The following SYNPR variants were observed in gnomAD, a reference collection of about 807,000 sequenced individuals.
The protein encoded by SYNPR is synaptoporin.
In SYNPR, 23 loss-of-function variants were observed where a neutral mutation model predicts 32.9. The observed-to-expected ratio is 0.70, with a 90% CI of 0.50 to 0.99. SYNPR has a LOEUF of 0.99. SYNPR is among the 50% of genes least tolerant of loss of function. The pLI is 0.00. For missense variants in SYNPR, 318 were observed against 349.3 expected, an observed-to-expected ratio of 0.91 and a Z score of 0.71; for synonymous variants, 146 against 135.9, an observed-to-expected ratio of 1.07 and a Z score of -0.52.
At chr3:63,279,619 C>G (rs2086610053) in intron 2 of SYNPR, among the ~76,000 whole-genome samples, 1 of 152,138 alleles carries the variant, frequency 6.6e-6, no homozygotes, top group Non-Finnish European at 1.5e-5. Flanking sequence ...GCTAGGAACT[C>G]CAAAAGGCAA....
chr3:63,553,049 G>A (rs192353518), intron 3 of SYNPR, among the ~76,000 whole-genome samples: 16 of 152,186 alleles, frequency 1.1e-4, no homozygotes, highest in Admixed American at 1.0e-3. Context: ...CCCAGGCAGT[G>A]AGCATAGCAC....
intron 3 of SYNPR, among the ~76,000 whole-genome samples, chr3:63,481,390 G>T (rs570877314): frequency 5.9e-4 from 89 of 151,530 alleles, no homozygotes; most frequent in African/African-American, 2.0e-3. Flanking sequence ...TATCCAAGAG[G>T]ATCTGTATAC....
At chr3:63,583,704 G>C (rs867974057) in intron 4 of SYNPR, among the ~76,000 whole-genome samples, 1 of 152,054 alleles carries the variant, frequency 6.6e-6, no homozygotes, top group Non-Finnish European at 1.5e-5. Context: ...GCCAAGGAAG[G>C]AATAATGTTT....
At chr3:63,371,035 G>A (rs2087805381) in intron 2 of SYNPR, among the ~76,000 whole-genome samples, 1 of 152,100 alleles carries the variant, frequency 6.6e-6, no homozygotes, top group Non-Finnish European at 1.5e-5. Context: ...CATTCAGGTG[G>A]ACACATTGCG....
chr3:63,260,239 C>T, intron 2 of SYNPR, among the ~76,000 whole-genome samples: 1 of 152,118 alleles, frequency 6.6e-6, no homozygotes, highest in East Asian at 1.9e-4. Flanking sequence ...TCATATGGAA[C>T]CAAAAACGAG....
chr3:63,243,221 A>G (rs1425011369), intron 1 of SYNPR, among the ~76,000 whole-genome samples: 4 of 152,072 alleles, frequency 2.6e-5, no homozygotes, highest in African/African-American at 7.2e-5. Flanking sequence ...GGAGCACCCT[A>G]AACTCTAAAT....
chr3:63,444,324 T>C (rs963048031), intron 2 of SYNPR: 1 of 152,230 alleles, frequency 6.6e-6, no homozygotes, highest in Non-Finnish European at 1.5e-5. Flanking sequence ...GAATTCTTCA[T>C]TGTTAATTCA....
intron 3 of SYNPR, among the ~76,000 whole-genome samples, chr3:63,520,033 A>T (rs1283470494): frequency 6.6e-6 from 1 of 152,190 alleles, no homozygotes; most frequent in East Asian, 1.9e-4. Flanking sequence ...ATTTGGAGTC[A>T]GATGGTAGGT....
chr3:63,307,449 C>A (rs942026024), intron 2 of SYNPR, among the ~76,000 whole-genome samples: 1 of 151,914 alleles, frequency 6.6e-6, no homozygotes. Context: ...TCCTTCATTC[C>A]TTAATGTTTC....
chr3:63,611,235 G>T (rs1482209269), intron 5 of SYNPR, among the ~76,000 whole-genome samples: 1 of 152,222 alleles, frequency 6.6e-6, no homozygotes, highest in African/African-American at 2.4e-5. Context: ...ATCTAGAGCA[G>T]AATGAGAGTT....
Position 63,476,136 on chromosome 3 carries a change from AGG to A in SYNPR, c.85-4695_85-4694del, listed in dbSNP as rs1491310052. 4.0e-4 allele frequency among the ~76,000 whole-genome samples: 16 copies of A among 39,964 alleles called. 1 individual carries two copies. The highest frequency in any genetic ancestry group is 2.5e-3 in the South Asian group (2 of 808). The allele number at this position is 39,964 out of a possible 152,430, so 26.2% of individuals were successfully genotyped here. On this transcript the variant is annotated intron_variant, in intron 2 of 5. Transcript: ENST00000478300. ...GAGGAAGGAAGGAAGGAAGGAAGGA[AGG>A]AAGGAAGGAAGGGAGGGAGGGAGGG...
At chr3:63,220,688 A>G in the SYNPR span, among the ~76,000 whole-genome samples, 8 of 152,182 alleles carry the variant, frequency 5.3e-5, no homozygotes, top group Non-Finnish European at 1.2e-4. Flanking sequence ...TCAGCTTTCC[A>G]GTACTCATAG....
chr3:63,413,962 A>G (rs1288560838), intron 2 of SYNPR, among the ~76,000 whole-genome samples: 1 of 151,832 alleles, frequency 6.6e-6, no homozygotes, highest in Non-Finnish European at 1.5e-5. Flanking sequence ...GGGTGTGAGT[A>G]TAAGAAACCC....
chr3:63,465,415 T>A (rs1403604894), intron 2 of SYNPR, among the ~76,000 whole-genome samples: 1 of 152,126 alleles, frequency 6.6e-6, no homozygotes, highest in African/African-American at 2.4e-5. Flanking sequence ...TTAATACTAT[T>A]TTTGAATATT....
the SYNPR span, among the ~76,000 whole-genome samples, chr3:63,201,827 G>A: frequency 6.6e-6 from 1 of 152,126 alleles, no homozygotes; most frequent in Non-Finnish European, 1.5e-5. Flanking sequence ...ATGTGGAACA[G>A]AGATAACCAG....
At chr3:63,406,975 AC>A (rs1291046651) in intron 2 of SYNPR, among the ~76,000 whole-genome samples, 1 of 152,158 alleles carries the variant, frequency 6.6e-6, no homozygotes, top group Non-Finnish European at 1.5e-5. Context: ...TCGCCTGTGA[AC>A]TTTTTTGGAC....
chr3:63,562,398 A>T (rs1702706628), intron 4 of SYNPR, among the ~76,000 whole-genome samples: 1 of 152,224 alleles, frequency 6.6e-6, no homozygotes, highest in Admixed American at 6.5e-5. Flanking sequence ...GCTTAAAATA[A>T]CTTCTCTGGG....
At position 63,284,677 on chromosome 3, in the gene SYNPR, C is replaced by T. The variant is rs376312689; in HGVS notation, c.84+5935C>T. 3.9e-5 allele frequency among the ~76,000 whole-genome samples: 6 copies of T among 152,128 alleles called. No individual in the cohort carries two copies. In the East Asian group the frequency reaches 7.7e-4, roughly 20 times the overall value. ...TAAATTCTAAGCCACGTTTTTCAAGCAAATATCATACTGCTTTCTTAATAT... is the reference window on the plus strand; with the variant it reads ...TAAATTCTAAGCCACGTTTTTCAAGTAAATATCATACTGCTTTCTTAATAT... On this transcript the variant is annotated intron_variant, in intron 2 of 5. Coordinates refer to ENST00000478300, the MANE Select transcript of SYNPR (RefSeq NM_001130003.2).
At chr3:63,455,993 G>T (rs140226106) in intron 2 of SYNPR, among the ~76,000 whole-genome samples, 1 of 152,192 alleles carries the variant, frequency 6.6e-6, no homozygotes, top group African/African-American at 2.4e-5. Context: ...TGGCTGGGGA[G>T]GCCTCACAAT....
Sources: allele counts gnomAD v4.1 joint callset (sites outside exome capture counted in the v4.1 genomes callset), GRCh38; gene constraint gnomAD v4.1.1; transcripts MANE v1.5; gene names NCBI Gene and HGNC (gene_info 2026-07-23, HGNC 2026-07-21).